CACNA1C: variants seen among roughly 807,000 people sequenced by gnomAD.
CACNA1C encodes the protein calcium voltage-gated channel subunit alpha1 C, also known as voltage-dependent L-type calcium channel subunit alpha-1C.
Under a neutral mutation model 229.0 loss-of-function variants are expected in CACNA1C, and 30 were observed. The ratio of observed to expected loss-of-function variants is 0.13; its 90% CI spans 0.10 to 0.18. The LOEUF (loss-of-function observed/expected upper bound fraction) is 0.18. Ranked by LOEUF, CACNA1C falls within the 10% of genes least tolerant of loss-of-function variation. The pLI is 1.00. For synonymous variants in CACNA1C, 1,114 were observed against 1,132.5 expected, an observed-to-expected ratio of 0.98 and a Z score of 0.33; for missense variants, 1,658 against 2,845.0, an observed-to-expected ratio of 0.58 and a Z score of 9.49.
At position 1,977,404 on chromosome 12, in the gene CACNA1C, T is replaced by C. The variant is rs79781530; in HGVS notation, c.139+6203T>C. On this transcript the variant is annotated intron_variant, in intron 1 of 46. Transcript: ENST00000682462. ...AGCTCGACAACTTTGTGACTCCTGCTTGATCACTCCAAGCAGCGTATCTTC... is the reference window on the plus strand; with the variant it reads ...AGCTCGACAACTTTGTGACTCCTGCCTGATCACTCCAAGCAGCGTATCTTC... 9.5e-4 allele frequency among the ~76,000 whole-genome samples: 145 copies of C among 152,330 alleles called. 1 individual carries two copies. In the East Asian group the frequency reaches 0.024, roughly 26 times the overall value.
intron 3 of CACNA1C, among the ~76,000 whole-genome samples, chr12:2,207,558 C>T (rs1292197610): frequency 1.3e-5 from 2 of 151,862 alleles, no homozygotes; most frequent in South Asian, 2.1e-4. Context: ...GCCTGTAATC[C>T]CAGTATTTTG....
chr12:2,675,499 A>C (rs1446881407), intron 39 of CACNA1C, among the ~76,000 whole-genome samples: 3 of 152,250 alleles, frequency 2.0e-5, no homozygotes, highest in Admixed American at 1.3e-4. Flanking sequence ...ACACATATGC[A>C]GAACAACCGT....
rs1254597195 is a variant in CACNA1C at position 2,355,003 on chromosome 12, G to C, written c.478-93973G>C. ...TGAGGATGGGTCTGGGTGTGGGGTGGGGTGGAGGGCTGAAGAAGGAGGCGT... is the reference window on the plus strand; with the variant it reads ...TGAGGATGGGTCTGGGTGTGGGGTGCGGTGGAGGGCTGAAGAAGGAGGCGT... On this transcript the variant is annotated intron_variant, in intron 3 of 46. Transcript: ENST00000399655. Among the ~76,000 whole-genome samples, 4 of 152,142 alleles carry C rather than the reference G, an allele frequency of 2.6e-5. No homozygotes were observed. The South Asian group carries it at 8.3e-4, about 31-fold the overall frequency.
At chr12:2,439,502 C>T (rs539661850) in intron 3 of CACNA1C, among the ~76,000 whole-genome samples, 1 of 152,212 alleles carries the variant, frequency 6.6e-6, no homozygotes, top group African/African-American at 2.4e-5. Flanking sequence ...GCCCAAGAGG[C>T]GTGCACAGGG....
chr12:2,060,469 A>G (rs1253300956), intron 1 of CACNA1C, among the ~76,000 whole-genome samples: 1 of 152,216 alleles, frequency 6.6e-6, no homozygotes, highest in Non-Finnish European at 1.5e-5. Flanking sequence ...AGCCCATGGA[A>G]GAGAATCACT....
intron 3 of CACNA1C, among the ~76,000 whole-genome samples, chr12:2,198,913 T>A (rs904403021): frequency 3.3e-5 from 5 of 152,192 alleles, no homozygotes; most frequent in African/African-American, 1.2e-4. Context: ...TATCGACAGA[T>A]CTTTTAAGAA....
intron 9 of CACNA1C, among the ~76,000 whole-genome samples, chr12:2,526,322 G>A (rs1213946866): frequency 6.6e-6 from 1 of 152,228 alleles, no homozygotes; most frequent in Non-Finnish European, 1.5e-5. Context: ...TGTCTGTGCT[G>A]CTATTCCAGG....
intron 9 of CACNA1C, among the ~76,000 whole-genome samples, chr12:2,526,634 A>G (rs1192285120): frequency 6.6e-6 from 1 of 152,246 alleles, no homozygotes; most frequent in African/African-American, 2.4e-5. Flanking sequence ...ATCCAGAGTC[A>G]TCCCTCCTCA....
chr12:2,638,899 G>A (rs1484063481), intron 30 of CACNA1C, among the ~76,000 whole-genome samples: 1 of 150,712 alleles, frequency 6.6e-6, no homozygotes, highest in African/African-American at 2.5e-5. Context: ...GGACACACAG[G>A]TCAGAGGCCT....
intron 3 of CACNA1C, among the ~76,000 whole-genome samples, chr12:2,402,096 G>C (rs933586535): frequency 2.2e-4 from 34 of 152,254 alleles, no homozygotes; most frequent in African/African-American, 8.0e-4. Context: ...CAATAAGATG[G>C]CAGTGTTTAT....
At chr12:2,291,298 A>G (rs1339168920) in intron 3 of CACNA1C, among the ~76,000 whole-genome samples, 1 of 152,198 alleles carries the variant, frequency 6.6e-6, no homozygotes, top group African/African-American at 2.4e-5. Context: ...CAGCCAAAAC[A>G]ATCAAAATGG....
intron 2 of CACNA1C, among the ~76,000 whole-genome samples, chr12:2,117,578 G>C (rs971385987): frequency 6.6e-6 from 1 of 152,214 alleles, no homozygotes; most frequent in Non-Finnish European, 1.5e-5. Context: ...TGACAGAGCT[G>C]GACTTCAAAT....
intron 1 of CACNA1C, among the ~76,000 whole-genome samples, chr12:2,003,233 G>A (rs2042600740): frequency 6.6e-6 from 1 of 152,090 alleles, no homozygotes; most frequent in African/African-American, 2.4e-5. Flanking sequence ...GTAGGCTTAT[G>A]AATGTGGGTG....
chr12:1,998,034 T>C, intron 1 of CACNA1C: 1 of 1,459,174 alleles, frequency 6.9e-7, no homozygotes, highest in South Asian at 1.3e-5. Flanking sequence ...CACAAAGGTA[T>C]AAAACAAATT....
intron 1 of CACNA1C, among the ~76,000 whole-genome samples, chr12:1,975,286 A>C (rs1445202129): frequency 6.6e-6 from 1 of 152,156 alleles, no homozygotes; most frequent in Non-Finnish European, 1.5e-5. Flanking sequence ...AGGTAATTCT[A>C]ATACAAGTTC....
intron 3 of CACNA1C, among the ~76,000 whole-genome samples, chr12:2,246,497 C>T (rs2073302579): frequency 6.6e-6 from 1 of 152,150 alleles, no homozygotes; most frequent in South Asian, 2.1e-4. Context: ...GCAGCTAACA[C>T]TTACACAGTG....
intron 46 of CACNA1C, among the ~76,000 whole-genome samples, chr12:2,690,522 G>T (rs1476565395): frequency 3.3e-5 from 5 of 152,298 alleles, no homozygotes; most frequent in Admixed American, 1.3e-4. Context: ...TTGTAGAGAC[G>T]AAGTTTCCCT....
At chr12:2,056,180 T>TGTGTGA (rs2054674990) in intron 1 of CACNA1C, among the ~76,000 whole-genome samples, 1 of 116,506 alleles carries the variant, frequency 8.6e-6, no homozygotes, top group African/African-American at 3.6e-5. Context: ...AGTGTGTGCA[T>TGTGTGA]GTGTGAGTGT....
At chr12:2,379,285 C>A (rs190370784) in intron 3 of CACNA1C, among the ~76,000 whole-genome samples, 22 of 152,274 alleles carry the variant, frequency 1.4e-4, no homozygotes, top group South Asian at 1.0e-3. Flanking sequence ...GTCCATGTAA[C>A]GGTGATGATA....
Sources: allele counts gnomAD v4.1 joint callset (sites outside exome capture counted in the v4.1 genomes callset), GRCh38; gene constraint gnomAD v4.1.1; transcripts MANE v1.5; gene names NCBI Gene and HGNC (gene_info 2026-07-23, HGNC 2026-07-21).